Variants in CDK5RAP2 observed in about 807,000 individuals in gnomAD.
The protein encoded by CDK5RAP2 is CDK5 regulatory subunit-associated protein 2.
CDK5RAP2 carries 147 observed loss-of-function variants against 232.9 expected under a neutral mutation model. That is an observed-to-expected ratio of 0.63 (90% CI 0.55 to 0.72). The LOEUF (loss-of-function observed/expected upper bound fraction) is 0.72, where lower values mean the gene tolerates loss of function less well. CDK5RAP2 is among the 30% of genes least tolerant of loss of function. The pLI is 0.00. For missense variants in CDK5RAP2, 2,195 were observed against 2,231.5 expected, an observed-to-expected ratio of 0.98 and a Z score of 0.33; for synonymous variants, 833 against 833.7, an observed-to-expected ratio of 1.00 and a Z score of 0.01.
chr9:120,455,417 G>A (rs1490362336), intron 20 of CDK5RAP2, among the ~76,000 whole-genome samples: 1 of 151,474 alleles, frequency 6.6e-6, no homozygotes, highest in Non-Finnish European at 1.5e-5. Context: ...GCCCTGCGAT[G>A]GACTGGGCCA....
intron 22 of CDK5RAP2, among the ~76,000 whole-genome samples, chr9:120,445,501 C>T (rs1267164394): frequency 6.6e-6 from 1 of 152,198 alleles, no homozygotes; most frequent in Non-Finnish European, 1.5e-5. Flanking sequence ...TCTCTGCAAC[C>T]CATGCCAATC....
intron 28 of CDK5RAP2, among the ~76,000 whole-genome samples, chr9:120,411,701 G>C (rs1315857500): frequency 1.3e-5 from 2 of 152,170 alleles, no homozygotes; most frequent in Admixed American, 1.3e-4. Context: ...CAAAGCAGAA[G>C]ACCTGGGCCA....
chr9:120,522,554 AC>A (rs2131867083), intron 11 of CDK5RAP2, among the ~76,000 whole-genome samples: 1 of 152,324 alleles, frequency 6.6e-6, no homozygotes, highest in South Asian at 2.1e-4. Context: ...TCTCACTACT[AC>A]TTTAAGTACT....
At chr9:120,471,699 C>T (rs1323458468) in intron 16 of CDK5RAP2, 49 bp downstream of exon 16, 1 of 1,613,224 alleles carries the variant, frequency 6.2e-7, no homozygotes, top group East Asian at 2.2e-5. Flanking sequence ...TCAGTCCATG[C>T]CCTCCAAGTG....
intron 25 of CDK5RAP2, among the ~76,000 whole-genome samples, chr9:120,427,421 G>A (rs1451806646): frequency 6.6e-6 from 1 of 152,166 alleles, no homozygotes; most frequent in Non-Finnish European, 1.5e-5. Flanking sequence ...GACAGGTACT[G>A]CTCTCCCCCA....
At chr9:120,544,219 T>A (rs1222659359) in intron 5 of CDK5RAP2, among the ~76,000 whole-genome samples, 1 of 152,188 alleles carries the variant, frequency 6.6e-6, no homozygotes, top group Non-Finnish European at 1.5e-5. Flanking sequence ...CTTTGTGAGC[T>A]GAGGTTTCCA....
chr9:120,419,914 G>T lies in CDK5RAP2; in HGVS notation c.4051C>A (p.Pro1351Thr), dbSNP rs763376201. Residue 1351 changes from proline (P) to threonine (T), a missense_variant, in exon 27 of 38, where the codon CCT (proline) becomes ACT (threonine). Transcript: ENST00000349780. ...AGCGCATGAGAGGCTGAAGGCTCAG[G>T]AGATTCAGGCAGAAGATGTTGGTAG... is the stretch of plus-strand genomic sequence containing the variant. ...LTYQHLLPES[P>T]EPSASHALSD... 1.4e-5 allele frequency: 23 copies of T among 1,614,052 alleles called. No individual in the cohort carries two copies. Among genetic ancestry groups the T allele is most frequent in the Non-Finnish European group, 1.9e-5 (23 of 1,179,890 alleles).
chr9:120,546,730 C>A (rs967349177), intron 4 of CDK5RAP2, among the ~76,000 whole-genome samples: 1 of 151,966 alleles, frequency 6.6e-6, no homozygotes, highest in Non-Finnish European at 1.5e-5. Context: ...AACTCCTGGG[C>A]TCAAGGGATC....
chr9:120,530,903 T>TC (rs2041121253), intron 7 of CDK5RAP2, among the ~76,000 whole-genome samples: 1 of 6,970 alleles, frequency 1.4e-4, no homozygotes, highest in Admixed American at 2.6e-3. Flanking sequence ...ATATACCTAA[T>TC]GTAAATGACA....
chr9:120,510,277 G>T (rs995433427), intron 12 of CDK5RAP2, among the ~76,000 whole-genome samples: 1 of 152,112 alleles, frequency 6.6e-6, no homozygotes, highest in African/African-American at 2.4e-5. Context: ...AGATTTTTGG[G>T]CTTTAGCCAG....
chr9:120,409,399 T>C, intron 29 of CDK5RAP2, 83 bp from the exon 30 acceptor site: 1 of 980,432 alleles, frequency 1.0e-6, no homozygotes, highest in Non-Finnish European at 1.6e-6. Context: ...ACTTCAAGAA[T>C]ACAAAAAAGA....
chr9:120,444,322 G>A (rs1427234201), intron 22 of CDK5RAP2, among the ~76,000 whole-genome samples: 2 of 152,222 alleles, frequency 1.3e-5, no homozygotes, highest in Non-Finnish European at 2.9e-5. Context: ...GGCCTCTGTT[G>A]AGCTGAGTTA....
chr9:120,537,267 A>G (rs1280210728), intron 6 of CDK5RAP2, among the ~76,000 whole-genome samples: 7 of 152,120 alleles, frequency 4.6e-5, no homozygotes, highest in African/African-American at 9.7e-5. Context: ...TTCCCAATCT[A>G]TAAAATAGGG....
chr9:120,391,929 C>A (rs377065509), intron 36 of CDK5RAP2, among the ~76,000 whole-genome samples: 1 of 152,212 alleles, frequency 6.6e-6, no homozygotes, highest in East Asian at 1.9e-4. Flanking sequence ...AGGCCCGGGT[C>A]AGCCACCAGC....
chr9:120,561,115 C>T (rs1026198242), intron 3 of CDK5RAP2, among the ~76,000 whole-genome samples: 1 of 152,100 alleles, frequency 6.6e-6, no homozygotes, highest in Non-Finnish European at 1.5e-5. Context: ...CTTGGCTACC[C>T]AAAGTTCATC....
At chr9:120,460,281 C>T (rs1372210242) in intron 19 of CDK5RAP2, among the ~76,000 whole-genome samples, 1 of 152,200 alleles carries the variant, frequency 6.6e-6, no homozygotes, top group East Asian at 1.9e-4. Flanking sequence ...GGTTGGATTA[C>T]ATCACTAAAG....
intron 21 of CDK5RAP2, 86 bp downstream of exon 21, chr9:120,453,370 G>A (rs1055183244): frequency 1.7e-5 from 21 of 1,257,306 alleles, no homozygotes; most frequent in Non-Finnish European, 2.3e-5. Context: ...CATATAAATG[G>A]GAAAAAAGTG....
Position 120,439,505 on chromosome 9 carries a change from G to C in CDK5RAP2, c.3616C>G (p.Leu1206Val). 1 of 1,614,194 alleles carries C rather than the reference G, an allele frequency of 6.2e-7. No homozygotes were observed. The highest frequency in any genetic ancestry group is 8.5e-7 in the Non-Finnish European group (1 of 1,180,020). Residue 1206 changes from leucine to valine, a missense_variant, in exon 24 of 38, where the codon CTG (leucine) becomes GTG (valine). Coordinates refer to ENST00000349780, the MANE Select transcript of CDK5RAP2 (RefSeq NM_018249.6). ...SRVLENLKQQLEEQEYKLQKE... is the reference protein window; with the variant it reads ...SRVLENLKQQVEEQEYKLQKE... ...TGCAGCTTGTATTCCTGTTCCTCCAGCTGCTGTTTGAGGTTCTCCAGCACC... is the reference window on the plus strand; with the variant it reads ...TGCAGCTTGTATTCCTGTTCCTCCACCTGCTGTTTGAGGTTCTCCAGCACC...
At position 120,397,565 on chromosome 9, in the gene CDK5RAP2, AGAAAAAAG is replaced by A. The variant is rs1226394663; in HGVS notation, c.5452-2935_5452-2928del. ...TTCTTAAAAAAAAAAAAAAAAAAAA[AGAAAAAAG>A]AAAAAAAAAAAAGCCCAACACAGTA... On this transcript the variant is annotated intron_variant, in intron 35 of 37. Coordinates refer to ENST00000349780, the MANE Select transcript of CDK5RAP2 (RefSeq NM_018249.6). Among the ~76,000 whole-genome samples the A allele has an allele frequency of 9.6e-4, 119 of 123,672 alleles. 1 individual carries two copies. The highest frequency in any genetic ancestry group is 3.9e-3 in the African/African-American group (110 of 28,356). 81.1% of individuals were successfully genotyped at this position (123,672 alleles called of 152,430 possible). A position where few individuals can be genotyped will look rare whatever the true frequency, so the allele number is the denominator to read the frequency against.
Sources: gnomAD v4.1 joint callset for allele counts (sites outside exome capture counted in the v4.1 genomes callset) on GRCh38, gnomAD v4.1.1 for gene constraint, MANE v1.5 for transcripts, NCBI Gene and HGNC (gene_info 2026-07-23, HGNC 2026-07-21) for gene names.